COBL: variants seen among roughly 807,000 people sequenced by gnomAD.
COBL encodes cordon-bleu WH2 repeat protein, also known as protein cordon-bleu.
A neutral mutation model predicts 98.8 loss-of-function variants in COBL; 51 were observed. That is an observed-to-expected ratio of 0.52 (90% CI 0.41 to 0.65). The LOEUF (loss-of-function observed/expected upper bound fraction) is 0.65. COBL is among the 30% of genes least tolerant of loss of function. COBL has a pLI of 0.00. For missense variants in COBL, 1,617 were observed against 1,617.5 expected, an observed-to-expected ratio of 1.00 and a Z score of 0.01; for synonymous variants, 634 against 651.7, an observed-to-expected ratio of 0.97 and a Z score of 0.41.
intron 6 of COBL, among the ~76,000 whole-genome samples, chr7:51,118,805 C>T (rs549993153): frequency 5.4e-4 from 82 of 151,924 alleles, no homozygotes; most frequent in African/African-American, 2.0e-3. Context: ...TCCAAATATC[C>T]CTCCTACATT....
In COBL at chr7:51,193,393, G is replaced by A. The variant is rs763210510; in HGVS notation, c.442C>T (p.Pro148Ser). 27 of 1,614,026 alleles carry A rather than the reference G, an allele frequency of 1.7e-5. No homozygotes were observed. In the African/African-American group the frequency reaches 3.3e-4, roughly 20 times the overall value. Residue 148 changes from proline to serine, a missense_variant, in exon 3 of 13, where the codon CCT becomes TCT. Around this residue, in one of 3 missense-constraint regions of COBL, gnomAD observed 238 missense variants for 215.0 expected, o/e 1.11. Coordinates refer to ENST00000265136, the MANE Select transcript of COBL (RefSeq NM_015198.5). ...VPEEKVKPGP[P>S]KVPEKSVRLV... ...TACCTACTAACCTCAGGCACCTTAGGGGGACCAGGCTTAACCTTCTCTTCA... is the reference window on the plus strand; with the variant it reads ...TACCTACTAACCTCAGGCACCTTAGAGGGACCAGGCTTAACCTTCTCTTCA...
chr7:51,073,666 A>G lies in COBL; in HGVS notation c.1096+11500T>C, dbSNP rs148088411. 2.3e-3 allele frequency among the ~76,000 whole-genome samples: 347 copies of G among 152,192 alleles called. 1 individual carries two copies. The highest frequency in any genetic ancestry group is 7.9e-3 in the African/African-American group (328 of 41,508). The stretch of plus-strand genomic sequence containing the variant: ...GGTTGGTCTTTCAGGTTGCCACATA[A>G]AATTATTTGGATTTGGTATGAAACC... On this transcript the variant is annotated intron_variant, in intron 7 of 12. Coordinates refer to ENST00000265136, the MANE Select transcript of COBL (RefSeq NM_015198.5).
chr7:51,156,393 A>T, intron 5 of COBL: 7 of 985,322 alleles, frequency 7.1e-6, no homozygotes, highest in Non-Finnish European at 8.4e-6. Flanking sequence ...CCCTTTCTGA[A>T]AGCTCACCGA....
At chr7:51,272,303 T>G (rs1398642660) in intron 1 of COBL, among the ~76,000 whole-genome samples, 2 of 152,124 alleles carry the variant, frequency 1.3e-5, no homozygotes, top group East Asian at 3.9e-4. Context: ...TTTATCCCCA[T>G]TTTGCAGATT....
chr7:51,107,635 T>C (rs965435989), intron 6 of COBL, among the ~76,000 whole-genome samples: 2 of 152,184 alleles, frequency 1.3e-5, no homozygotes, highest in Admixed American at 6.5e-5. Context: ...TGTACACTGG[T>C]GCATGTATAC....
chr7:51,150,961 G>A (rs1437975984), intron 5 of COBL, among the ~76,000 whole-genome samples: 1 of 152,100 alleles, frequency 6.6e-6, no homozygotes, highest in East Asian at 1.9e-4. Context: ...AGGAGCAAGA[G>A]TCACCTGCCC....
intron 2 of COBL, among the ~76,000 whole-genome samples, chr7:51,202,338 T>C (rs1362851117): frequency 6.6e-6 from 1 of 152,204 alleles, no homozygotes; most frequent in Non-Finnish European, 1.5e-5. Context: ...CTGCAAAAGT[T>C]ATAGCCACGG....
chr7:51,267,952 C>T (rs967430996), intron 1 of COBL, among the ~76,000 whole-genome samples: 2 of 152,212 alleles, frequency 1.3e-5, no homozygotes, highest in African/African-American at 2.4e-5. Context: ...AAATGGATCA[C>T]GAAGCACACC....
chr7:51,025,400 T>C (rs1787452115), intron 11 of COBL, 28 bp from the exon 12 acceptor site: 16 of 1,611,104 alleles, frequency 9.9e-6, no homozygotes, highest in Non-Finnish European at 1.4e-5. Context: ...AAATGACTGC[T>C]ATAGAGTGAA....
At chr7:51,244,774 C>T (rs1489629040) in intron 1 of COBL, among the ~76,000 whole-genome samples, 1 of 152,198 alleles carries the variant, frequency 6.6e-6, no homozygotes, top group Non-Finnish European at 1.5e-5. Context: ...TATATCATTG[C>T]TGCAGCCATT....
chr7:51,220,985 G>T (rs937771134), intron 1 of COBL, among the ~76,000 whole-genome samples: 4 of 152,066 alleles, frequency 2.6e-5, no homozygotes, highest in Non-Finnish European at 1.5e-5. Flanking sequence ...ATAGGCCCTG[G>T]TATTTTATTG....
At chr7:51,261,448 T>A (rs926731052) in intron 1 of COBL, among the ~76,000 whole-genome samples, 5 of 152,188 alleles carry the variant, frequency 3.3e-5, no homozygotes, top group Non-Finnish European at 7.3e-5. Flanking sequence ...ACAGTAAATA[T>A]CTGTGCAATG....
intron 5 of COBL, among the ~76,000 whole-genome samples, chr7:51,151,692 CA>C (rs1306121051): frequency 6.6e-6 from 1 of 152,198 alleles, no homozygotes; most frequent in African/African-American, 2.4e-5. Flanking sequence ...ATTTCCTGGT[CA>C]AGAGGAAGCT....
At chr7:51,069,630 G>C (rs981136739) in intron 7 of COBL, among the ~76,000 whole-genome samples, 1 of 152,260 alleles carries the variant, frequency 6.6e-6, no homozygotes, top group Admixed American at 6.5e-5. Context: ...ACCTGGCAGA[G>C]AGGATGTGTG....
At chr7:51,313,600 A>C (rs1016656895) in intron 1 of COBL, among the ~76,000 whole-genome samples, 5 of 152,184 alleles carry the variant, frequency 3.3e-5, no homozygotes, top group African/African-American at 1.2e-4. Context: ...ATGTCATTGG[A>C]GATTACTGTA....
In COBL at chr7:51,304,927, C is replaced by T. The variant is rs118059886; in HGVS notation, c.41+11666G>A. On this transcript the variant is annotated intron_variant, in intron 1 of 12. Coordinates refer to ENST00000265136, the MANE Select transcript of COBL (RefSeq NM_015198.5). ...GGCGGATGTGTGGGCCTTGTCCTTC[C>T]ACTCACGTTCTGTAGGTTGACACCC... 4.1e-4 allele frequency among the ~76,000 whole-genome samples: 62 copies of T among 152,228 alleles called. No homozygotes were observed. The East Asian group carries it at 0.011, about 27-fold the overall frequency.
chr7:51,217,356 T>C (rs1793160771), intron 2 of COBL, among the ~76,000 whole-genome samples: 1 of 150,564 alleles, frequency 6.6e-6, no homozygotes, highest in African/African-American at 2.4e-5. Context: ...TTTTTTTTTT[T>C]TTGAGATGGA....
At chr7:51,056,812 AACACACACACAC>A (rs3047115) in intron 7 of COBL, among the ~76,000 whole-genome samples, 4 of 143,680 alleles carry the variant, frequency 2.8e-5, no homozygotes, top group South Asian at 2.4e-4. Flanking sequence ...GTGCTCTCCC[AACACACACACAC>A]ACACACACAC....
intron 5 of COBL, among the ~76,000 whole-genome samples, chr7:51,157,439 T>G (rs1786278764): frequency 6.6e-6 from 1 of 152,108 alleles, no homozygotes; most frequent in African/African-American, 2.4e-5. Flanking sequence ...CGGCAAGGGG[T>G]TCCTTGGTGT....
Sources: allele counts gnomAD v4.1 joint callset (sites outside exome capture counted in the v4.1 genomes callset), GRCh38; gene constraint gnomAD v4.1.1; regional missense constraint gnomAD v4.1.1; transcripts MANE v1.5; gene names NCBI Gene and HGNC (gene_info 2026-07-23, HGNC 2026-07-21).